APBB2: variants seen among roughly 807,000 people sequenced by gnomAD.
APBB2 encodes amyloid beta precursor protein binding family B member 2.
Under a neutral mutation model 82.5 loss-of-function variants are expected in APBB2, and 38 were observed. The ratio of observed to expected loss-of-function variants is 0.46; its 90% CI spans 0.36 to 0.60. The LOEUF (loss-of-function observed/expected upper bound fraction) is 0.60, where lower values mean the gene tolerates loss of function less well. Among genes scored for constraint, APBB2 ranks in the 20% least tolerant of loss-of-function variants. APBB2 has a pLI of 0.00. For missense variants in APBB2, 772 were observed against 972.3 expected, an observed-to-expected ratio of 0.79 and a Z score of 2.74; for synonymous variants, 341 against 368.2, an observed-to-expected ratio of 0.93 and a Z score of 0.85.
chr4:41,150,229 C>T (rs2154027072), intron 1 of APBB2, among the ~76,000 whole-genome samples: 1 of 152,218 alleles, frequency 6.6e-6, no homozygotes, highest in Non-Finnish European at 1.5e-5. Flanking sequence ...CCAAATTTAC[C>T]AATAAATTGT....
intron 6 of APBB2, among the ~76,000 whole-genome samples, chr4:40,980,875 T>C (rs1483244795): frequency 1.3e-5 from 2 of 152,214 alleles, no homozygotes; most frequent in Non-Finnish European, 2.9e-5. Context: ...ATATTTCAAG[T>C]AAGTTTCTTG....
At chr4:40,924,090 C>T (rs1314325632) in intron 10 of APBB2, among the ~76,000 whole-genome samples, 1 of 152,242 alleles carries the variant, frequency 6.6e-6, no homozygotes, top group Non-Finnish European at 1.5e-5. Context: ...CCACGACCAG[C>T]TGTGCAAGCT....
chr4:41,164,417 T>C (rs536317542), intron 1 of APBB2, among the ~76,000 whole-genome samples: 1 of 152,240 alleles, frequency 6.6e-6, no homozygotes, highest in East Asian at 1.9e-4. Flanking sequence ...CAAATAATTA[T>C]CAGTAGTCTA....
rs116461702 is a variant in APBB2, at chr4:41,120,312, G to T, written c.-260-19562C>A. Among the ~76,000 whole-genome samples, 378 of 152,172 alleles carry T rather than the reference G, an allele frequency of 2.5e-3. 4 individuals carry two copies. The highest frequency in any genetic ancestry group is 8.7e-3 in the African/African-American group (363 of 41,514). The stretch of plus-strand genomic sequence containing the variant: ...AGCAGAATTATATAAACCGACTCAG[G>T]CCTAGGACCTGGCTCACTCACCCAG... On this transcript the variant is annotated intron_variant, in intron 2 of 17. Coordinates refer to ENST00000508593, the MANE Select transcript of APBB2 (RefSeq NM_004307.2).
intron 5 of APBB2, among the ~76,000 whole-genome samples, chr4:41,025,944 C>CAAAAAAAAAAA (rs71198626): frequency 1.0e-4 from 7 of 68,230 alleles, no homozygotes; most frequent in East Asian, 4.3e-4. Context: ...TCCATCTCCA[C>CAAAAAAAAAAA]AAAAAAAAAA....
At chr4:41,008,794 T>TA (rs1362851144) in intron 6 of APBB2, among the ~76,000 whole-genome samples, 1 of 152,244 alleles carries the variant, frequency 6.6e-6, no homozygotes, top group East Asian at 1.9e-4. Context: ...ACTGCCTAGA[T>TA]ATAGCAGAGC....
intron 1 of APBB2, among the ~76,000 whole-genome samples, chr4:41,143,439 A>G (rs1759790642): frequency 6.6e-6 from 1 of 152,216 alleles, no homozygotes; most frequent in Non-Finnish European, 1.5e-5. Context: ...TACAACTAAA[A>G]TTTCATGAAC....
chr4:41,148,293 A>C (rs894824211), intron 1 of APBB2, among the ~76,000 whole-genome samples: 1 of 152,214 alleles, frequency 6.6e-6, no homozygotes, highest in Non-Finnish European at 1.5e-5. Context: ...TTCTGAAACA[A>C]GGGATGAAGA....
intron 12 of APBB2, among the ~76,000 whole-genome samples, chr4:40,843,238 C>T (rs1386694573): frequency 6.6e-6 from 1 of 152,190 alleles, no homozygotes; most frequent in Non-Finnish European, 1.5e-5. Flanking sequence ...TACAGAAACC[C>T]GTTCTCTCGG....
chr4:40,947,205 T>G (rs1416352570), intron 6 of APBB2, among the ~76,000 whole-genome samples: 1 of 152,228 alleles, frequency 6.6e-6, no homozygotes, highest in Non-Finnish European at 1.5e-5. Context: ...ACATAGGTTT[T>G]GGGATAAAGT....
At chr4:40,904,883 C>T (rs1776291526) in intron 10 of APBB2, among the ~76,000 whole-genome samples, 1 of 152,058 alleles carries the variant, frequency 6.6e-6, no homozygotes, top group Admixed American at 6.6e-5. Context: ...AGCATTTCTA[C>T]ACTGGTCCCC....
chr4:40,907,310 G>A (rs1365370921), intron 10 of APBB2, among the ~76,000 whole-genome samples: 2 of 140,036 alleles, frequency 1.4e-5, no homozygotes, highest in Non-Finnish European at 3.0e-5. Context: ...TACTCCAATA[G>A]GACTGATATG....
intron 2 of APBB2, 22 bp downstream of exon 2, chr4:41,142,965 A>C (rs1253036368): frequency 6.6e-6 from 1 of 152,206 alleles, no homozygotes; most frequent in Non-Finnish European, 1.5e-5. Flanking sequence ...CGCTTTATCC[A>C]GCCTCTCTTA....
intron 3 of APBB2, among the ~76,000 whole-genome samples, chr4:41,078,588 T>C (rs1388764873): frequency 1.3e-5 from 2 of 152,216 alleles, no homozygotes; most frequent in African/African-American, 4.8e-5. Context: ...AGGTCAAATA[T>C]GCCTAAATCT....
Position 41,079,831 on chromosome 4 carries a change from A to G in APBB2, c.-148-14158T>C, listed in dbSNP as rs561630164. On this transcript the variant is annotated intron_variant, in intron 3 of 17. Coordinates refer to ENST00000508593, the MANE Select transcript of APBB2 (RefSeq NM_004307.2). ...CAAAGTGCTGGGATTACAGGCGTAA[A>G]CCACCGCGACCGGCCAGCTCACCTA... Among the ~76,000 whole-genome samples, 6 of 152,174 alleles carry G rather than the reference A, an allele frequency of 3.9e-5. No individual in the cohort carries two copies. In the East Asian group the frequency reaches 1.2e-3, roughly 29 times the overall value.
intron 1 of APBB2, among the ~76,000 whole-genome samples, chr4:41,188,556 G>A (rs1773557706): frequency 6.6e-6 from 1 of 152,198 alleles, no homozygotes; most frequent in Non-Finnish European, 1.5e-5. Context: ...GGCCATCTAT[G>A]AGCCAGAAAG....
At chr4:40,856,715 T>C (rs541422626) in intron 12 of APBB2, among the ~76,000 whole-genome samples, 1 of 152,152 alleles carries the variant, frequency 6.6e-6, no homozygotes, top group Non-Finnish European at 1.5e-5. Context: ...ACCCCATCAA[T>C]GAATAGCCCA....
intron 1 of APBB2, among the ~76,000 whole-genome samples, chr4:41,180,941 C>T (rs1327510140): frequency 2.2e-5 from 1 of 44,512 alleles, no homozygotes; most frequent in African/African-American, 1.3e-4. Flanking sequence ...GAAAGAAGTC[C>T]CTTTCATCTA....
intron 5 of APBB2, among the ~76,000 whole-genome samples, chr4:41,018,076 A>G (rs773626110): frequency 3.9e-5 from 6 of 152,204 alleles, no homozygotes; most frequent in Non-Finnish European, 8.8e-5. Context: ...TTTGCTGGGG[A>G]CTAAAACATG....
Sources: gnomAD v4.1 joint callset for allele counts (sites outside exome capture counted in the v4.1 genomes callset) on GRCh38, gnomAD v4.1.1 for gene constraint, MANE v1.5 for transcripts, NCBI Gene and HGNC (gene_info 2026-07-23, HGNC 2026-07-21) for gene names.